Variants in ZNF83 observed in about 807,000 individuals in gnomAD.
The protein encoded by ZNF83 is zinc finger protein 83.
For synonymous variants in ZNF83, 209 were observed against 213.0 expected (o/e 0.98, Z 0.17); for missense variants, 552 against 629.9 (o/e 0.88, Z 1.32).
chr19:52,642,572 G>A (rs942501816), upstream of ZNF83, among the ~76,000 whole-genome samples: 2 of 152,054 alleles, frequency 1.3e-5, no homozygotes, highest in African/African-American at 4.8e-5. Context: ...GAATAAAACG[G>A]GAGGCAAGTT....
chr19:52,626,613 A>C (rs969022432), intron 2 of ZNF83, among the ~76,000 whole-genome samples: 1 of 152,162 alleles, frequency 6.6e-6, no homozygotes, highest in East Asian at 1.9e-4. Context: ...TTCATACAAA[A>C]CCACATTCAG....
intron 1 of ZNF83, 68 bp downstream of exon 1, chr19:52,638,244 C>G (rs1264572506): frequency 6.6e-6 from 1 of 152,368 alleles, no homozygotes; most frequent in Admixed American, 6.5e-5. Flanking sequence ...CTGTGGGGAC[C>G]CCACGTCTCA....
chr19:52,679,186 G>A (rs1415254505), intron 1 of ZNF83, among the ~76,000 whole-genome samples: 1 of 152,234 alleles, frequency 6.6e-6, no homozygotes, highest in Non-Finnish European at 1.5e-5. Flanking sequence ...ATAGGAGGCT[G>A]TGAGCCCAAA....
intron 2 of ZNF83, among the ~76,000 whole-genome samples, chr19:52,630,226 T>A (rs2060903338): frequency 6.6e-6 from 1 of 152,218 alleles, no homozygotes; most frequent in Non-Finnish European, 1.5e-5. Context: ...TTCCCAGATC[T>A]TCTTGGCTTA....
exon 3 of ZNF83, chr19:52,614,521 T>C: frequency 6.2e-7 from 1 of 1,602,384 alleles, no homozygotes; most frequent in Non-Finnish European, 8.5e-7. Flanking sequence ...TCCAAGCTGA[T>C]TTTTAACAGG....
At chr19:52,616,180 A>ACTT (rs934992230) in intron 2 of ZNF83, among the ~76,000 whole-genome samples, 1 of 152,182 alleles carries the variant, frequency 6.6e-6, no homozygotes, top group African/African-American at 2.4e-5. Context: ...CTTTACAAAA[A>ACTT]CTTCAATATT....
chr19:52,666,406 G>T (rs773547045), intron 1 of ZNF83, among the ~76,000 whole-genome samples: 5 of 152,008 alleles, frequency 3.3e-5, no homozygotes, highest in Non-Finnish European at 5.9e-5. Context: ...CCACCCTGTT[G>T]TCAGTGTAAA....
intron 1 of ZNF83, among the ~76,000 whole-genome samples, chr19:52,685,029 T>C (rs1175589839): frequency 6.6e-6 from 1 of 152,232 alleles, no homozygotes; most frequent in Non-Finnish European, 1.5e-5. Context: ...AGATGGTCTC[T>C]GTGTCTGAGT....
At chr19:52,628,801 C>T (rs957819336) in intron 2 of ZNF83, among the ~76,000 whole-genome samples, 1 of 151,866 alleles carries the variant, frequency 6.6e-6, no homozygotes, top group Non-Finnish European at 1.5e-5. Flanking sequence ...GAGCAAGTAC[C>T]CCAACCCCTT....
chr19:52,688,823 G>T (rs571202737), intron 1 of ZNF83, among the ~76,000 whole-genome samples: 102 of 151,846 alleles, frequency 6.7e-4, no homozygotes, highest in African/African-American at 2.4e-3. Context: ...AAAATAAAAA[G>T]AAAAGAACAA....
chr19:52,656,864 CAAAAAAAAAAAAA>C (rs112522632), intron 2 of ZNF83, among the ~76,000 whole-genome samples: 2 of 136,564 alleles, frequency 1.5e-5, no homozygotes, highest in African/African-American at 2.6e-5. Context: ...GACTCCGTCT[CAAAAAAAAAAAAA>C]AAAAAAAAAT....
intron 1 of ZNF83, among the ~76,000 whole-genome samples, chr19:52,677,195 A>C (rs28515598): frequency 0.039 from 5,896 of 151,644 alleles, 327 homozygotes; most frequent in African/African-American, 0.13. Flanking sequence ...AACAAAAACA[A>C]AACAATCAAA....
At position 52,614,216 on chromosome 19, in the gene ZNF83, T is replaced by G. The variant is rs751614189; in HGVS notation, c.349A>C (p.Lys117Gln). Residue 117 changes from lysine to glutamine, a missense_variant, in exon 3 of 3, where the codon AAA (lysine) becomes CAA (glutamine). Physicochemically the swap from Lys to Gln is moderately conservative, Grantham distance 53. Coordinates refer to ENST00000301096, the Ensembl canonical transcript of ZNF83. ...ATATCACATTTAAATTGCGTCTCTT[T>G]AGTATGGATTATTTGATGTATAGTA... 15 of 1,614,028 alleles carry G rather than the reference T, an allele frequency of 9.3e-6. No individual in the cohort carries two copies. The South Asian group carries it at 1.6e-4, about 18-fold the overall frequency.
intron 1 of ZNF83, among the ~76,000 whole-genome samples, chr19:52,682,404 GGC>G (rs2147355381): frequency 6.6e-6 from 1 of 152,088 alleles, no homozygotes; most frequent in African/African-American, 2.4e-5. Flanking sequence ...TGGAAGTGGT[GGC>G]TCATGCCTGA....
At chr19:52,689,750 C>T (rs550874058) in intron 1 of ZNF83, among the ~76,000 whole-genome samples, 1 of 131,758 alleles carries the variant, frequency 7.6e-6, no homozygotes, top group Non-Finnish European at 1.6e-5. Flanking sequence ...TTCCACTGCT[C>T]TCTGTCCGTC....
chr19:52,648,718 C>G (rs1386970995), intron 3 of ZNF83, among the ~76,000 whole-genome samples: 1 of 152,164 alleles, frequency 6.6e-6, no homozygotes, highest in East Asian at 1.9e-4. Flanking sequence ...AAACTGGCAG[C>G]TCAAGACAAG....
intron 1 of ZNF83, among the ~76,000 whole-genome samples, chr19:52,673,875 G>A (rs908963581): frequency 6.6e-6 from 1 of 151,382 alleles, no homozygotes; most frequent in African/African-American, 2.4e-5. Context: ...AATTAACCGG[G>A]CCTGGTGGTG....
exon 3 of ZNF83, chr19:52,613,382 G>A (rs1802352872): frequency 1.2e-6 from 2 of 1,613,646 alleles, no homozygotes; most frequent in Non-Finnish European, 1.7e-6. Flanking sequence ...TCTCCAGTAT[G>A]GATTCTGTGA....
intron 2 of ZNF83, chr19:52,618,720 T>C: frequency 2.2e-6 from 2 of 920,510 alleles, no homozygotes; most frequent in Non-Finnish European, 1.5e-6. Context: ...TAAGCCTTCT[T>C]TACTTCTGGA....
Sources: gnomAD v4.1 joint callset for allele counts (sites outside exome capture counted in the v4.1 genomes callset) on GRCh38, gnomAD v4.1.1 for gene constraint, MANE v1.5 for transcripts, NCBI Gene and HGNC (gene_info 2026-07-23, HGNC 2026-07-21) for gene names.